Variants in PRKAG2 observed in about 807,000 individuals in gnomAD.
PRKAG2 encodes protein kinase AMP-activated non-catalytic subunit gamma 2, also known as 5'-AMP-activated protein kinase subunit gamma-2.
A neutral mutation model predicts 69.6 loss-of-function variants in PRKAG2; 26 were observed. That is an observed-to-expected ratio of 0.37 (90% CI 0.27 to 0.52). The LOEUF (loss-of-function observed/expected upper bound fraction) is 0.52, where lower values mean the gene tolerates loss of function less well. Ranked by LOEUF, PRKAG2 falls within the 20% of genes least tolerant of loss-of-function variation. PRKAG2 has a pLI of 0.90. For missense variants in PRKAG2, 557 were observed against 740.0 expected (o/e 0.75, Z 2.87); for synonymous variants, 293 against 285.0 (o/e 1.03, Z -0.28).
At chr7:151,633,629 A>C (rs1825207774) in intron 4 of PRKAG2, among the ~76,000 whole-genome samples, 1 of 152,108 alleles carries the variant, frequency 6.6e-6, no homozygotes. Context: ...ACATGGAAAA[A>C]TATATAAAAC....
chr7:151,806,931 A>C (rs1200874677), intron 1 of PRKAG2: 1 of 449,944 alleles, frequency 2.2e-6, no homozygotes, highest in South Asian at 1.6e-5. Context: ...GCACCATTGC[A>C]CTCCAGCCTG....
rs1025984040 is a variant in PRKAG2, at chr7:151,828,435, T to C, written c.115-41894A>G. Reference sequence around the variant, plus strand: ...AAGAGAGAATGAACAGTTTAATGCATGAAGAAAAAGAATGACCCTAAAAGC... The same window carrying C: ...AAGAGAGAATGAACAGTTTAATGCACGAAGAAAAAGAATGACCCTAAAAGC... On this transcript the variant is annotated intron_variant, in intron 1 of 15. Coordinates refer to ENST00000287878, the MANE Select transcript of PRKAG2 (RefSeq NM_016203.4). The surrounding 1 kb of genome is among the most constrained non-coding windows in gnomAD (Gnocchi z 4.6). Among the ~76,000 whole-genome samples, 1 of 152,122 alleles carries C rather than the reference T, an allele frequency of 6.6e-6. No individual in the cohort carries two copies.
In PRKAG2 at chr7:151,675,594, G is replaced by A. The variant is rs1209179957; in HGVS notation, c.510C>T (p.Thr170=). ...SSSPSTPTQV[T]KQHTFPLESY... ...ATTCCAGGGGAAACGTGTGCTGCTTGGTCACTTGGGTGGGTGTTGACGGAG... is the reference window on the plus strand; with the variant it reads ...ATTCCAGGGGAAACGTGTGCTGCTTAGTCACTTGGGTGGGTGTTGACGGAG... Residue 170 remains threonine (T), a synonymous_variant, in exon 4 of 16, where the codon ACC becomes ACT. Coordinates refer to ENST00000287878, the MANE Select transcript of PRKAG2 (RefSeq NM_016203.4). The A allele has an allele frequency of 6.2e-7, 1 of 1,614,086 alleles. No individual in the cohort carries two copies. The highest frequency in any genetic ancestry group is 1.1e-5 in the South Asian group (1 of 91,072).
At chr7:151,786,617 G>A in intron 1 of PRKAG2, 76 bp from the exon 2 acceptor site, 4 of 1,187,938 alleles carry the variant, frequency 3.4e-6, no homozygotes, top group Non-Finnish European at 4.9e-6. Context: ...CTACGTGGGT[G>A]TCACCTCCCC....
chr7:151,604,003 T>G (rs1375106462), intron 5 of PRKAG2, among the ~76,000 whole-genome samples: 1 of 152,208 alleles, frequency 6.6e-6, no homozygotes, highest in Non-Finnish European at 1.5e-5. Flanking sequence ...CCCCAGCCAG[T>G]CAGGCACCCA....
In PRKAG2 at chr7:151,850,580, G is replaced by C. The variant is rs1484765474; in HGVS notation, c.114+25927C>G. ...ACTCAGCCAAGGAGCCCCGAGCCTG[G>C]ATTGGAACCCAGATGGACCAATTCC... On this transcript the variant is annotated intron_variant, in intron 1 of 15. Transcript: ENST00000287878. This position sits in a 1 kb window ranked among gnomAD's most constrained non-coding sequence, Gnocchi z 4.1. 1.3e-5 allele frequency among the ~76,000 whole-genome samples: 2 copies of C among 152,178 alleles called. No individual in the cohort carries two copies. The highest frequency in any genetic ancestry group is 4.8e-5 in the African/African-American group (2 of 41,438).
At chr7:151,714,025 T>G (rs1233989411) in intron 3 of PRKAG2, among the ~76,000 whole-genome samples, 30 of 152,136 alleles carry the variant, frequency 2.0e-4, no homozygotes, top group Admixed American at 1.8e-3. Flanking sequence ...CCCCAAAGGA[T>G]TCTCACAGAC....
intron 5 of PRKAG2, among the ~76,000 whole-genome samples, chr7:151,604,154 G>A (rs980711077): frequency 3.3e-5 from 5 of 152,146 alleles, no homozygotes; most frequent in African/African-American, 1.2e-4. Context: ...TGGCTGGGGA[G>A]CTGTGGGAGT....
At chr7:151,677,127 T>C (rs1329949803) in intron 3 of PRKAG2, among the ~76,000 whole-genome samples, 1 of 152,212 alleles carries the variant, frequency 6.6e-6, no homozygotes, top group Non-Finnish European at 1.5e-5. Flanking sequence ...ACTGATGCAA[T>C]GCATGGATTG....
intron 1 of PRKAG2, among the ~76,000 whole-genome samples, chr7:151,798,517 G>A (rs2077673374): frequency 6.6e-6 from 1 of 152,170 alleles, no homozygotes; most frequent in Non-Finnish European, 1.5e-5. Flanking sequence ...GTTTTCCCAT[G>A]TTGTCCAGGC....
intron 1 of PRKAG2, among the ~76,000 whole-genome samples, chr7:151,797,297 T>C (rs943705983): frequency 6.7e-6 from 1 of 148,294 alleles, no homozygotes; most frequent in African/African-American, 2.5e-5. Context: ...GGTTAGTGCT[T>C]GAAGACAAAC....
At position 151,678,829 on chromosome 7, in the gene PRKAG2, C is replaced by T. The variant is rs921939435; in HGVS notation, c.467-3192G>A. On this transcript the variant is annotated intron_variant, in intron 3 of 15. Coordinates refer to ENST00000287878, the MANE Select transcript of PRKAG2 (RefSeq NM_016203.4). ...CAAATATTAGCTAGGCGTAGTGGCG[C>T]GCGCCTGTAGTCCCAGCCACTCCAG... 3.9e-5 allele frequency among the ~76,000 whole-genome samples: 6 copies of T among 152,102 alleles called. No homozygotes were observed. The East Asian group carries it at 5.8e-4, about 15-fold the overall frequency.
At position 151,678,830 on chromosome 7, in the gene PRKAG2, G is replaced by A. The variant is rs559116976; in HGVS notation, c.467-3193C>T. Among the ~76,000 whole-genome samples the A allele has an allele frequency of 7.9e-5, 12 of 152,166 alleles. No individual in the cohort carries two copies. The South Asian group carries it at 2.5e-3, about 32-fold the overall frequency. ...AAATATTAGCTAGGCGTAGTGGCGC[G>A]CGCCTGTAGTCCCAGCCACTCCAGA... On this transcript the variant is annotated intron_variant, in intron 3 of 15. Coordinates refer to ENST00000287878, the MANE Select transcript of PRKAG2 (RefSeq NM_016203.4).
intron 13 of PRKAG2, 140 bp downstream of exon 13, chr7:151,565,206 A>G: frequency 1.5e-6 from 1 of 675,932 alleles, no homozygotes; most frequent in Non-Finnish European, 2.3e-6. Flanking sequence ...TAGAAGGTCT[A>G]TAAAATTCTG....
At chr7:151,582,012 C>T (rs1223022372) in intron 6 of PRKAG2, among the ~76,000 whole-genome samples, 1 of 152,120 alleles carries the variant, frequency 6.6e-6, no homozygotes, top group African/African-American at 2.4e-5. Context: ...ATAATACAGA[C>T]GTTAGAAACT....
rs554041639 is a variant in PRKAG2, at chr7:151,581,464, T to C, written c.865-5012A>G. 1.6e-3 allele frequency among the ~76,000 whole-genome samples: 244 copies of C among 152,304 alleles called. 1 individual carries two copies. Among genetic ancestry groups the C allele is most frequent in the Non-Finnish European group, 3.0e-3 (201 of 68,030 alleles). On this transcript the variant is annotated intron_variant, in intron 6 of 15. Coordinates refer to ENST00000287878, the MANE Select transcript of PRKAG2 (RefSeq NM_016203.4). ...CACGTGAGAGCCAAACAAGAGGGCT[T>C]CCTTCAGTGGACACATTTCTAGAAG... is the stretch of plus-strand genomic sequence containing the variant.
chr7:151,755,219 C>T (rs1279706406), intron 3 of PRKAG2, among the ~76,000 whole-genome samples: 4 of 152,166 alleles, frequency 2.6e-5, no homozygotes, highest in African/African-American at 9.7e-5. Flanking sequence ...CTGTCACACC[C>T]ACAGCTGGGA....
rs551927218 is a variant in PRKAG2 at position 151,792,965 on chromosome 7, G to T, written c.115-6424C>A. Among the ~76,000 whole-genome samples the T allele has an allele frequency of 7.7e-4, 117 of 152,322 alleles. No individual in the cohort carries two copies. The Middle Eastern group carries it at 0.017, about 22-fold the overall frequency. ...AGCCGGGGGCTGAGCCGGAGCCCCA[G>T]CTCTGTGATCTGCGATCTGGGGAAT... On this transcript the variant is annotated intron_variant, in intron 1 of 15. Coordinates refer to ENST00000287878, the MANE Select transcript of PRKAG2 (RefSeq NM_016203.4).
At chr7:151,623,293 G>A (rs1821955691) in intron 5 of PRKAG2, among the ~76,000 whole-genome samples, 1 of 150,208 alleles carries the variant, frequency 6.7e-6, no homozygotes, top group South Asian at 2.1e-4. Flanking sequence ...GAACCTGGGA[G>A]GTGGAGCTTG....
Sources: gnomAD v4.1 joint callset for allele counts (sites outside exome capture counted in the v4.1 genomes callset) on GRCh38, gnomAD v4.1.1 for gene constraint, Gnocchi (gnomAD v3.1) non-coding constraint, MANE v1.5 for transcripts, NCBI Gene and HGNC (gene_info 2026-07-23, HGNC 2026-07-21) for gene names.